The following ADGRF4 variants were observed in gnomAD, a reference collection of about 807,000 sequenced individuals.
ADGRF4 encodes adhesion G protein-coupled receptor F4, also known as G-protein coupled receptor PGR18.
In ADGRF4, 63 loss-of-function variants were observed where a neutral mutation model predicts 58.5. That is an observed-to-expected ratio of 1.08 (90% CI 0.88 to 1.33). The LOEUF (loss-of-function observed/expected upper bound fraction) is 1.33, where lower values mean the gene tolerates loss of function less well. ADGRF4 is among the 40% of genes most tolerant of loss of function. The pLI is 0.00. For synonymous variants in ADGRF4, 313 were observed against 295.4 expected, an observed-to-expected ratio of 1.06 and a Z score of -0.61; for missense variants, 931 against 843.9, an observed-to-expected ratio of 1.10 and a Z score of -1.28.
intron 5 of ADGRF4, 56 bp from the exon 6 acceptor site, chr6:47,713,742 A>G (rs1036676649): frequency 2.3e-5 from 31 of 1,356,796 alleles, no homozygotes; most frequent in Non-Finnish European, 3.0e-5. Flanking sequence ...TTAGAAATCA[A>G]CTTTGTACAA....
At chr6:47,712,669 C>T in intron 5 of ADGRF4, 61 bp downstream of exon 5, 3 of 1,310,990 alleles carry the variant, frequency 2.3e-6, no homozygotes, top group Non-Finnish European at 3.2e-6. Context: ...TGAATAGTTT[C>T]AAATATACTT....
chr6:47,699,297 A>G (rs1230629498), intron 1 of ADGRF4, among the ~76,000 whole-genome samples: 2 of 152,258 alleles, frequency 1.3e-5, no homozygotes, highest in African/African-American at 4.8e-5. Context: ...ATTCTATGCT[A>G]CTTGAAGGTC....
rs1344171832 is a variant in ADGRF4 at position 47,710,889 on chromosome 6, G to A, written c.300+3G>A. 1 of 1,607,298 alleles carries A rather than the reference G, an allele frequency of 6.2e-7. No individual in the cohort carries two copies. The highest frequency in any genetic ancestry group is 1.1e-5 in the South Asian group (1 of 89,330). On this transcript the variant is annotated splice_donor_region_variant and intron_variant, in intron 4 of 9. Transcript: ENST00000283303. ...TTTCTGTGGAAAAACTCTTTAAGGT[G>A]ATGCATTCACAAATTATTGGTGACA...
intron 3 of ADGRF4, among the ~76,000 whole-genome samples, chr6:47,710,263 A>G (rs1191600822): frequency 2.0e-5 from 3 of 152,194 alleles, no homozygotes; most frequent in African/African-American, 7.2e-5. Context: ...TGTGAAAATA[A>G]AATTGACATT....
intron 5 of ADGRF4, 137 bp downstream of exon 5, chr6:47,712,745 G>A: frequency 4.6e-6 from 3 of 649,710 alleles, no homozygotes; most frequent in Non-Finnish European, 7.9e-6. Context: ...TTCGGTTTGG[G>A]ATATTGATTC....
chr6:47,704,467 T>G (rs1771659996), intron 1 of ADGRF4, among the ~76,000 whole-genome samples: 1 of 152,160 alleles, frequency 6.6e-6, no homozygotes, highest in South Asian at 2.1e-4. Flanking sequence ...GTCCTGAGAA[T>G]AGGTTTCTTT....
intron 1 of ADGRF4, among the ~76,000 whole-genome samples, chr6:47,702,648 A>G (rs1218114640): frequency 1.3e-5 from 2 of 152,044 alleles, no homozygotes. Flanking sequence ...GTTTCCCCTC[A>G]CTGAGTACTA....
chr6:47,716,439 T>A (rs915232434), intron 6 of ADGRF4, among the ~76,000 whole-genome samples: 1 of 152,192 alleles, frequency 6.6e-6, no homozygotes, highest in African/African-American at 2.4e-5. Context: ...ACACCTTCCA[T>A]GATTGTGATT....
At position 47,715,183 on chromosome 6, in the gene ADGRF4, T is replaced by C. The variant is rs576612724; in HGVS notation, c.1932+6T>C. ...CCTTGCTCAATGCTTTCCAGGTAAG[T>C]TCCAAGAGGGAGACTTTTCTGTGTT... On this transcript the variant is annotated splice_donor_region_variant and intron_variant, in intron 6 of 9. Transcript: ENST00000283303. 11 of 1,559,978 alleles carry C rather than the reference T, an allele frequency of 7.1e-6. No individual in the cohort carries two copies. Among genetic ancestry groups the C allele is most frequent in the Middle Eastern group, 1.7e-4 (1 of 5,832 alleles).
chr6:47,700,903 T>C (rs1370428875), intron 1 of ADGRF4, among the ~76,000 whole-genome samples: 1 of 151,856 alleles, frequency 6.6e-6, no homozygotes, highest in African/African-American at 2.4e-5. Flanking sequence ...TATCCTCTGC[T>C]GGGTGCTGAG....
chr6:47,720,855 C>T (rs973352927), intron 9 of ADGRF4, among the ~76,000 whole-genome samples: 2 of 152,070 alleles, frequency 1.3e-5, no homozygotes, highest in East Asian at 1.9e-4. Context: ...AGCATATACC[C>T]GGAGGGAAGC....
chr6:47,708,050 C>T (rs1771763145), intron 2 of ADGRF4, among the ~76,000 whole-genome samples, 174 bp from the exon 3 acceptor site: 1 of 152,328 alleles, frequency 6.6e-6, no homozygotes, highest in South Asian at 2.1e-4. Context: ...TCTCCCTGTG[C>T]TCTCATCCAC....
rs576654878 is a variant in ADGRF4 at position 47,711,787 on chromosome 6, T to A, written c.301-570T>A. On this transcript the variant is annotated intron_variant, in intron 4 of 9. Transcript: ENST00000283303. ...TTTTAACAGTGGTTTTACAAGGGGA[T>A]TGCAGCTGGCTTCTCTGTCACTTAG... Among the ~76,000 whole-genome samples the A allele has an allele frequency of 2.6e-5, 4 of 152,306 alleles. No homozygotes were observed. The East Asian group carries it at 7.7e-4, about 29-fold the overall frequency.
chr6:47,707,130 T>G, intron 1 of ADGRF4, 100 bp from the exon 2 acceptor site: 1 of 724,808 alleles, frequency 1.4e-6, no homozygotes, highest in South Asian at 1.6e-5. Flanking sequence ...TATCTCAGAG[T>G]ATCTAGTGGG....
chr6:47,717,338 C>T lies in ADGRF4; in HGVS notation c.2021C>T (p.Ser674Leu), dbSNP rs572583506. 10 of 1,611,040 alleles carry T rather than the reference C, an allele frequency of 6.2e-6. No individual in the cohort carries two copies. The African/African-American group carries it at 6.7e-5, about 11-fold the overall frequency. Residue 674 changes from serine to leucine, a missense_variant, in exon 8 of 10, where the codon TCG becomes TTG. Transcript: ENST00000283303. ...AGGATGTCTTCACTGAAGGGGAAAT[C>T]GAGGGCAGCTGAGGTAAGCCTTCCC... ...RMRMSSLKGK[S>L]RAAENASLGP...
intron 1 of ADGRF4, among the ~76,000 whole-genome samples, chr6:47,699,933 A>AC (rs35874700): frequency 0.02 from 2,684 of 135,550 alleles, 31 homozygotes; most frequent in Admixed American, 0.023. Context: ...CAGACGACAC[A>AC]CCCCCCCCCC....
At chr6:47,700,262 C>G (rs1235004337) in intron 1 of ADGRF4, among the ~76,000 whole-genome samples, 1 of 152,292 alleles carries the variant, frequency 6.6e-6, no homozygotes, top group South Asian at 2.1e-4. Flanking sequence ...TCCCAGCTGA[C>G]CTTTTAAAAT....
chr6:47,705,633 T>C (rs2113896498), intron 1 of ADGRF4, among the ~76,000 whole-genome samples: 1 of 152,344 alleles, frequency 6.6e-6, no homozygotes, highest in East Asian at 1.9e-4. Context: ...CTGTGGCTTG[T>C]CATCTCAGCT....
chr6:47,714,424 C>G lies in ADGRF4; in HGVS notation c.1179C>G (p.Ser393=). The stretch of plus-strand genomic sequence containing the variant: ...TGTCTTTTTCCATTCTCATGTCCTC[C>G]AAATCGATGACCGACAAAGTTCTGG... ...VVMSFSILMS[S]KSMTDKVLDY... Residue 393 remains serine (S), a synonymous_variant, in exon 6 of 10, where the codon TCC becomes TCG. Coordinates refer to ENST00000283303, the MANE Select transcript of ADGRF4 (RefSeq NM_153838.5). 6.2e-7 allele frequency: 1 copy of G among 1,614,082 alleles called. No homozygotes were observed. The highest frequency in any genetic ancestry group is 8.5e-7 in the Non-Finnish European group (1 of 1,180,000).
Sources: allele counts gnomAD v4.1 joint callset (sites outside exome capture counted in the v4.1 genomes callset), GRCh38; gene constraint gnomAD v4.1.1; transcripts MANE v1.5; gene names NCBI Gene and HGNC (gene_info 2026-07-23, HGNC 2026-07-21).